Variants in CHCHD6 observed in about 807,000 individuals in gnomAD.
CHCHD6 encodes MICOS complex subunit MIC25.
CHCHD6 carries 28 observed loss-of-function variants against 32.3 expected under a neutral mutation model. That is an observed-to-expected ratio of 0.87 (90% CI 0.64 to 1.19). CHCHD6 has a LOEUF of 1.19. Ranked by LOEUF, CHCHD6 falls within the 50% of genes most tolerant of loss-of-function variation. The pLI is 0.00. For missense variants in CHCHD6, 333 were observed against 307.0 expected (o/e 1.08, Z -0.63); for synonymous variants, 122 against 117.5 (o/e 1.04, Z -0.25).
chr3:126,793,867 A>G (rs1296311357), intron 4 of CHCHD6, among the ~76,000 whole-genome samples: 3 of 152,172 alleles, frequency 2.0e-5, no homozygotes, highest in African/African-American at 7.2e-5. Flanking sequence ...TATTTTTACC[A>G]GATATAGACT....
At chr3:126,731,098 T>TAAA (rs34596059) in intron 3 of CHCHD6, among the ~76,000 whole-genome samples, 6 of 73,978 alleles carry the variant, frequency 8.1e-5, no homozygotes, top group Admixed American at 1.8e-4. Flanking sequence ...ACCCTGTCTC[T>TAAA]AAAAAAAAAA....
intron 4 of CHCHD6, among the ~76,000 whole-genome samples, chr3:126,846,213 G>A (rs988821644): frequency 2.6e-5 from 4 of 152,034 alleles, no homozygotes; most frequent in South Asian, 2.1e-4. Flanking sequence ...CACTTATAAG[G>A]CCGTCTTTAT....
intron 2 of CHCHD6, among the ~76,000 whole-genome samples, chr3:126,727,811 A>G (rs893388289): frequency 6.6e-6 from 1 of 152,226 alleles, no homozygotes; most frequent in African/African-American, 2.4e-5. Context: ...CTTTCCCCAA[A>G]TAACGACTTG....
intron 4 of CHCHD6, among the ~76,000 whole-genome samples, chr3:126,746,435 G>A (rs1427157447): frequency 6.6e-6 from 1 of 152,128 alleles, no homozygotes; most frequent in Non-Finnish European, 1.5e-5. Flanking sequence ...CAGGAGGCCT[G>A]GCAGCCCTGC....
At chr3:126,911,485 A>G (rs2078089770) in intron 5 of CHCHD6, among the ~76,000 whole-genome samples, 1 of 152,198 alleles carries the variant, frequency 6.6e-6, no homozygotes, top group Non-Finnish European at 1.5e-5. Context: ...TTCGAGTGCC[A>G]AGGGAGCTGC....
chr3:126,870,963 G>T (rs868709760), intron 5 of CHCHD6, among the ~76,000 whole-genome samples: 3 of 152,190 alleles, frequency 2.0e-5, no homozygotes, highest in Non-Finnish European at 4.4e-5. Context: ...GAATTCTCGA[G>T]AGTGCCTGCA....
intron 4 of CHCHD6, among the ~76,000 whole-genome samples, chr3:126,789,378 G>C (rs981949640): frequency 1.3e-5 from 2 of 152,160 alleles, no homozygotes; most frequent in Non-Finnish European, 2.9e-5. Context: ...GGGTATCCTT[G>C]TTAACTTTCT....
intron 4 of CHCHD6, among the ~76,000 whole-genome samples, chr3:126,799,662 T>C (rs1169354540): frequency 6.6e-6 from 1 of 152,206 alleles, no homozygotes; most frequent in Non-Finnish European, 1.5e-5. Context: ...GACAGTATCA[T>C]AGCATAGCTA....
intron 5 of CHCHD6, among the ~76,000 whole-genome samples, chr3:126,878,316 G>A (rs779558622): frequency 1.6e-4 from 25 of 152,254 alleles, no homozygotes; most frequent in Admixed American, 2.6e-4. Context: ...AAAGAAACCA[G>A]TGTTTCCTGA....
intron 4 of CHCHD6, among the ~76,000 whole-genome samples, chr3:126,831,266 C>T (rs1280393326): frequency 6.6e-6 from 1 of 152,034 alleles, no homozygotes; most frequent in East Asian, 1.9e-4. Flanking sequence ...ACCTCTTGAT[C>T]CGCCCACCTC....
intron 5 of CHCHD6, among the ~76,000 whole-genome samples, chr3:126,908,956 G>A (rs1406779121): frequency 6.6e-6 from 1 of 152,254 alleles, no homozygotes; most frequent in Admixed American, 6.5e-5. Flanking sequence ...TGCACAGGCG[G>A]TCTGACCACG....
chr3:126,725,778 G>A (rs1935501490), intron 1 of CHCHD6, among the ~76,000 whole-genome samples: 1 of 152,234 alleles, frequency 6.6e-6, no homozygotes, highest in South Asian at 2.1e-4. Context: ...ATGTTATGGA[G>A]ATGGTGTCTT....
At chr3:126,887,475 G>T (rs933963997) in intron 5 of CHCHD6, among the ~76,000 whole-genome samples, 2 of 152,106 alleles carry the variant, frequency 1.3e-5, no homozygotes, top group African/African-American at 4.8e-5. Flanking sequence ...GTGGAGGCTC[G>T]TGTGGGAAGA....
At chr3:126,705,446 C>CT (rs1934438493) in intron 1 of CHCHD6, among the ~76,000 whole-genome samples, 1 of 152,168 alleles carries the variant, frequency 6.6e-6, no homozygotes. Flanking sequence ...TTTTCAACAG[C>CT]CCTATTTAGC....
Position 126,730,579 on chromosome 3 carries a change from C to T in CHCHD6, c.215C>T (p.Ser72Leu), listed in dbSNP as rs763397629. Residue 72 changes from serine (S) to leucine (L), a missense_variant, in exon 3 of 8, where the codon TCG becomes TTG. Physicochemically the swap from Ser to Leu is moderately radical, Grantham distance 145. Transcript: ENST00000290913. ...APHKESTLPR[S>L]GSSGGQQPSG... is the part of the protein sequence containing the mutation. ...TTTGCAGAATCCACACTGCCCAGGTCGGGGAGCAGTGGTGGCCAGCAGCCC... is the reference window on the plus strand; with the variant it reads ...TTTGCAGAATCCACACTGCCCAGGTTGGGGAGCAGTGGTGGCCAGCAGCCC... The T allele has an allele frequency of 5.0e-6, 8 of 1,613,630 alleles. No homozygotes were observed. Among genetic ancestry groups the T allele is most frequent in the East Asian group, 2.2e-5 (1 of 44,864 alleles).
intron 5 of CHCHD6, chr3:126,865,853 C>G: frequency 1.5e-6 from 1 of 650,374 alleles, no homozygotes; most frequent in Non-Finnish European, 1.9e-6. Flanking sequence ...ACTGCAACCT[C>G]TCTTGCACTC....
intron 4 of CHCHD6, among the ~76,000 whole-genome samples, chr3:126,752,123 G>T (rs1482042587): frequency 6.6e-6 from 1 of 152,202 alleles, no homozygotes; most frequent in East Asian, 1.9e-4. Flanking sequence ...CGCATATCCT[G>T]TGCTTCACTG....
chr3:126,813,045 C>T (rs75073879), intron 4 of CHCHD6, among the ~76,000 whole-genome samples: 5,042 of 152,154 alleles, frequency 0.033, 277 homozygotes, highest in African/African-American at 0.11. Flanking sequence ...CATAGTGCTG[C>T]GGAAGGATAT....
chr3:126,938,560 A>AT (rs2078515810), intron 6 of CHCHD6, among the ~76,000 whole-genome samples: 1 of 152,164 alleles, frequency 6.6e-6, no homozygotes. Context: ...CCAAATTTCA[A>AT]TTTTTTGTGC....
Sources: allele counts gnomAD v4.1 joint callset (sites outside exome capture counted in the v4.1 genomes callset), GRCh38; gene constraint gnomAD v4.1.1; transcripts MANE v1.5; gene names NCBI Gene and HGNC (gene_info 2026-07-23, HGNC 2026-07-21).